Variants in LSAMP observed in about 807,000 individuals in gnomAD.
The protein encoded by LSAMP is limbic system-associated membrane protein.
In LSAMP, 7 loss-of-function variants were observed where a neutral mutation model predicts 38.6. That is an observed-to-expected ratio of 0.18 (90% CI 0.10 to 0.34). The LOEUF (loss-of-function observed/expected upper bound fraction) is 0.34, where lower values mean the gene tolerates loss of function less well. Ranked by LOEUF, LSAMP falls within the 10% of genes least tolerant of loss-of-function variation. LSAMP has a pLI of 1.00. For missense variants in LSAMP, 313 were observed against 420.0 expected (o/e 0.75, Z 2.23); for synonymous variants, 154 against 166.8 (o/e 0.92, Z 0.59).
At position 116,134,873 on chromosome 3, in the gene LSAMP, T is replaced by G. The variant is rs558221382; in HGVS notation, c.156-48317A>C. The stretch of plus-strand genomic sequence containing the variant: ...TACTCAATAAATACTGCTGTGTACA[T>G]GAATAAGATCTATGAAATTAGTACT... On this transcript the variant is annotated intron_variant, in intron 1 of 6. Coordinates refer to ENST00000490035, the MANE Select transcript of LSAMP (RefSeq NM_002338.5). 3.3e-5 allele frequency among the ~76,000 whole-genome samples: 5 copies of G among 152,326 alleles called. No homozygotes were observed. The South Asian group carries it at 1.0e-3, about 32-fold the overall frequency.
intron 1 of LSAMP, among the ~76,000 whole-genome samples, chr3:116,286,062 C>A (rs2047190842): frequency 6.6e-6 from 1 of 152,204 alleles, no homozygotes; most frequent in South Asian, 2.1e-4. Flanking sequence ...AGAAAGCTTC[C>A]TGTGGTTCAC....
chr3:116,207,756 G>A (rs1403392814), intron 1 of LSAMP, among the ~76,000 whole-genome samples: 1 of 151,934 alleles, frequency 6.6e-6, no homozygotes, highest in Non-Finnish European at 1.5e-5. Flanking sequence ...GGCTTGTAGG[G>A]TTTCTGCCGA....
intron 1 of LSAMP, among the ~76,000 whole-genome samples, chr3:116,391,488 G>T (rs1195853902): frequency 6.6e-6 from 1 of 152,162 alleles, no homozygotes; most frequent in South Asian, 2.1e-4. Flanking sequence ...GCCCCTGGGA[G>T]ACTTCTGGAG....
At chr3:116,444,810 AAACACACACACACACACACAC>A (rs2049485954) in intron 1 of LSAMP, 46 bp downstream of exon 1, 19 of 987,090 alleles carry the variant, frequency 1.9e-5, no homozygotes, top group Non-Finnish European at 2.5e-5. Context: ...ACACACACAC[AAACACACACACACACACACAC>A]ACACGTGTAG....
intron 1 of LSAMP, among the ~76,000 whole-genome samples, chr3:116,188,791 G>A (rs1710684758): frequency 6.6e-6 from 1 of 152,196 alleles, no homozygotes; most frequent in African/African-American, 2.4e-5. Flanking sequence ...CTTTCTCTAA[G>A]AGGCTCCCAG....
At chr3:116,094,849 T>C (rs1179597130) in intron 1 of LSAMP, among the ~76,000 whole-genome samples, 5 of 152,192 alleles carry the variant, frequency 3.3e-5, no homozygotes, top group African/African-American at 4.8e-5. Context: ...TTAAGTAAAA[T>C]GGGGCTAACG....
intron 1 of LSAMP, among the ~76,000 whole-genome samples, chr3:116,296,558 C>T (rs1167525583): frequency 6.6e-6 from 1 of 151,752 alleles, no homozygotes; most frequent in African/African-American, 2.4e-5. Context: ...TGGTGGGTGC[C>T]GTGGCGGGCG....
chr3:116,262,172 G>C (rs1206870012), intron 1 of LSAMP, among the ~76,000 whole-genome samples: 2 of 151,856 alleles, frequency 1.3e-5, no homozygotes, highest in Non-Finnish European at 2.9e-5. Flanking sequence ...AATGACTATT[G>C]TATTAAAAAG....
intron 1 of LSAMP, among the ~76,000 whole-genome samples, chr3:116,403,248 A>C (rs1016007655): frequency 2.0e-5 from 3 of 152,198 alleles, no homozygotes; most frequent in African/African-American, 7.2e-5. Flanking sequence ...CTCTTCTGAG[A>C]CTTTTCTACG....
chr3:116,013,504 A>T, intron 3 of LSAMP, among the ~76,000 whole-genome samples: 1 of 152,194 alleles, frequency 6.6e-6, no homozygotes. Context: ...CTGTCTATAT[A>T]CCTGCTACTG....
chr3:115,951,992 A>T (rs1159985095), intron 3 of LSAMP, among the ~76,000 whole-genome samples: 1 of 152,206 alleles, frequency 6.6e-6, no homozygotes, highest in Non-Finnish European at 1.5e-5. Flanking sequence ...TATGAGGGAA[A>T]TGCCAGTTAA....
intron 1 of LSAMP, among the ~76,000 whole-genome samples, chr3:116,384,767 A>G (rs1253501170): frequency 6.6e-6 from 1 of 152,096 alleles, no homozygotes; most frequent in Non-Finnish European, 1.5e-5. Flanking sequence ...CCACACAGAA[A>G]ACACATTTAA....
intron 4 of LSAMP, among the ~76,000 whole-genome samples, chr3:115,843,369 A>T (rs556887950): frequency 6.6e-6 from 1 of 152,326 alleles, no homozygotes; most frequent in African/African-American, 2.4e-5. Context: ...ACTCATTCAA[A>T]CATTCATATG....
At chr3:116,179,702 A>C (rs181830747) in intron 1 of LSAMP, among the ~76,000 whole-genome samples, 33 of 152,266 alleles carry the variant, frequency 2.2e-4, no homozygotes, top group African/African-American at 7.7e-4. Context: ...TCATGAGAAC[A>C]GCAAGGGGAA....
At chr3:116,083,133 G>A (rs183826706) in intron 2 of LSAMP, among the ~76,000 whole-genome samples, 111 of 152,240 alleles carry the variant, frequency 7.3e-4, no homozygotes, top group African/African-American at 2.6e-3. Flanking sequence ...AAATAAAAAC[G>A]GAAGGAGCCT....
At chr3:116,204,623 T>C (rs1323319225) in intron 1 of LSAMP, among the ~76,000 whole-genome samples, 2 of 152,120 alleles carry the variant, frequency 1.3e-5, no homozygotes, top group South Asian at 4.1e-4. Flanking sequence ...TCCATATGGC[T>C]AGCCAGTTTT....
chr3:116,210,213 T>A (rs564177225), intron 1 of LSAMP, among the ~76,000 whole-genome samples: 4 of 152,296 alleles, frequency 2.6e-5, no homozygotes, highest in African/African-American at 9.6e-5. Flanking sequence ...AGTGTTAACT[T>A]GATTGGATGG....
At chr3:116,359,046 C>T (rs771268356) in intron 1 of LSAMP, among the ~76,000 whole-genome samples, 49 of 152,154 alleles carry the variant, frequency 3.2e-4, no homozygotes, top group Non-Finnish European at 6.5e-4. Context: ...CTAGTTTCTA[C>T]GAAAGAAAAG....
At chr3:115,833,241 C>G (rs1015326705) in intron 6 of LSAMP, among the ~76,000 whole-genome samples, 5 of 151,714 alleles carry the variant, frequency 3.3e-5, no homozygotes, top group Non-Finnish European at 5.9e-5. Flanking sequence ...GTCAGGAATT[C>G]AAAATGGGAT....
Sources: allele counts gnomAD v4.1 joint callset (sites outside exome capture counted in the v4.1 genomes callset), GRCh38; gene constraint gnomAD v4.1.1; transcripts MANE v1.5; gene names NCBI Gene and HGNC (gene_info 2026-07-23, HGNC 2026-07-21).